The following PLA2R1 variants were observed in gnomAD, a reference collection of about 807,000 sequenced individuals.
PLA2R1 encodes the protein phospholipase A2 receptor 1.
Under a neutral mutation model 195.9 loss-of-function variants are expected in PLA2R1, and 158 were observed. The observed-to-expected ratio is 0.81, with a 90% CI of 0.71 to 0.92. PLA2R1 has a LOEUF of 0.92. Among genes scored for constraint, PLA2R1 ranks in the 40% least tolerant of loss-of-function variants. The probability of loss-of-function intolerance (pLI) is 0.00; values close to 1 mark genes in which losing one functional copy is unlikely to be tolerated. For missense variants in PLA2R1, 1,626 were observed against 1,764.6 expected (o/e 0.92, Z 1.41); for synonymous variants, 586 against 598.2 (o/e 0.98, Z 0.30).
chr2:160,048,447 T>G (rs1695019533), intron 1 of PLA2R1, among the ~76,000 whole-genome samples: 1 of 152,230 alleles, frequency 6.6e-6, no homozygotes, highest in South Asian at 2.1e-4. Flanking sequence ...TCCATTAAGT[T>G]ATAATAGAAT....
chr2:159,995,728 C>T (rs1348620231), intron 11 of PLA2R1, among the ~76,000 whole-genome samples: 4 of 152,000 alleles, frequency 2.6e-5, no homozygotes, highest in Admixed American at 6.6e-5. Flanking sequence ...TTTCACTTTG[C>T]ATGCATCTTT....
chr2:159,970,401 C>G (rs182648784), intron 17 of PLA2R1, among the ~76,000 whole-genome samples, 189 bp from the exon 18 acceptor site: 5 of 151,998 alleles, frequency 3.3e-5, no homozygotes, highest in Admixed American at 1.3e-4. Flanking sequence ...CCCCCCATTA[C>G]GAAGAAAAAC....
intron 17 of PLA2R1, among the ~76,000 whole-genome samples, chr2:159,972,984 A>G (rs1041758553): frequency 1.3e-5 from 2 of 152,196 alleles, no homozygotes; most frequent in Non-Finnish European, 2.9e-5. Flanking sequence ...TGACACTGCA[A>G]CTAACTGTTA....
At position 160,013,433 on chromosome 2, in the gene PLA2R1, G is replaced by A. The variant is rs1217055129; in HGVS notation, c.1552-58C>T. On this transcript the variant is annotated intron_variant, in intron 9 of 29. Transcript: ENST00000283243. ...AATCTCATTTAGTTAAATACCAAGA[G>A]ATATTTTTGCATACTCTTTTACCAC... The A allele has an allele frequency of 3.0e-6, 3 of 1,005,244 alleles. No individual in the cohort carries two copies. The African/African-American group carries it at 4.8e-5, about 16-fold the overall frequency. The allele number at this position is 1,005,244 out of a possible 1,614,324, so 62.3% of individuals were successfully genotyped here.
intron 20 of PLA2R1, among the ~76,000 whole-genome samples, chr2:159,959,776 C>T (rs1207681274): frequency 6.6e-6 from 1 of 152,106 alleles, no homozygotes; most frequent in Non-Finnish European, 1.5e-5. Context: ...TACCTTCCCA[C>T]TCCATCTCCC....
chr2:159,940,493 A>G lies in PLA2R1; in HGVS notation c.*1285T>C, dbSNP rs548662691. Reference sequence around the variant, plus strand: ...ACTGCAGCCTTCAACTTCTGGGCTCAGTTGATCCTCTTCCCTCAGCCTCCT... The same window carrying G: ...ACTGCAGCCTTCAACTTCTGGGCTCGGTTGATCCTCTTCCCTCAGCCTCCT... On this transcript the variant is annotated 3_prime_UTR_variant, in exon 30 of 30. Transcript: ENST00000283243. The G allele has an allele frequency of 7.9e-5, 12 of 152,262 alleles. 1 individual carries two copies. Among genetic ancestry groups the G allele is most frequent in the Non-Finnish European group, 1.8e-4 (12 of 68,068 alleles). The allele number at this position is 152,262 out of a possible 1,614,324, so 9.4% of individuals were successfully genotyped here.
intron 18 of PLA2R1, 31 bp downstream of exon 18, chr2:159,970,117 A>T: frequency 6.8e-7 from 1 of 1,464,926 alleles, no homozygotes; most frequent in South Asian, 1.2e-5. Flanking sequence ...CTGTCAAACA[A>T]AATTAAATGC....
intron 3 of PLA2R1, among the ~76,000 whole-genome samples, chr2:160,034,201 A>T (rs1694034573): frequency 6.6e-6 from 1 of 152,148 alleles, no homozygotes; most frequent in African/African-American, 2.4e-5. Flanking sequence ...CTCCCTCATA[A>T]CAGTTAGATG....
intron 1 of PLA2R1, among the ~76,000 whole-genome samples, chr2:160,057,459 T>C (rs1027547822): frequency 6.6e-6 from 1 of 152,322 alleles, no homozygotes; most frequent in East Asian, 1.9e-4. Flanking sequence ...TCACTGAACT[T>C]TTACTGTTGC....
At chr2:159,976,013 G>C (rs1689525853) in intron 17 of PLA2R1, 55 bp downstream of exon 17, 9 of 1,124,360 alleles carry the variant, frequency 8.0e-6, no homozygotes, top group South Asian at 1.3e-5. Flanking sequence ...TCCCTCCCAA[G>C]GGCAAAAGAA....
intron 1 of PLA2R1, among the ~76,000 whole-genome samples, chr2:160,059,904 T>A (rs1313517993): frequency 4.6e-5 from 7 of 152,126 alleles, no homozygotes; most frequent in Non-Finnish European, 1.0e-4. Flanking sequence ...ATAATTCAAT[T>A]ACCTCCCCCT....
At chr2:160,027,067 T>C (rs1225321429) in intron 6 of PLA2R1, among the ~76,000 whole-genome samples, 1 of 152,070 alleles carries the variant, frequency 6.6e-6, no homozygotes, top group African/African-American at 2.4e-5. Context: ...GAGGCGGAGG[T>C]TGCAGTGAGC....
intron 3 of PLA2R1, among the ~76,000 whole-genome samples, chr2:160,034,974 T>A (rs1274143635): frequency 6.6e-6 from 1 of 152,212 alleles, no homozygotes; most frequent in African/African-American, 2.4e-5. Context: ...ATACTTTGTT[T>A]CATGCACAAA....
At chr2:160,013,683 CTCTCTCTCTCTCTCTCTCTG>C (rs1195577044) in intron 9 of PLA2R1, among the ~76,000 whole-genome samples, 4 of 127,914 alleles carry the variant, frequency 3.1e-5, no homozygotes, top group Non-Finnish European at 6.4e-5. Flanking sequence ...CTTTCTCTCT[CTCTCTCTCTCTCTCTCTCTG>C]TCTCTCTCTC....
At chr2:160,052,072 C>G (rs956846981) in intron 1 of PLA2R1, among the ~76,000 whole-genome samples, 2 of 152,190 alleles carry the variant, frequency 1.3e-5, no homozygotes, top group Admixed American at 6.5e-5. Flanking sequence ...GCTTCTGAAC[C>G]TAGATAATCA....
downstream of PLA2R1, among the ~76,000 whole-genome samples, chr2:159,930,191 G>A (rs1444112988): frequency 2.6e-5 from 4 of 152,112 alleles, no homozygotes; most frequent in African/African-American, 9.7e-5. Context: ...GGTGGATCAC[G>A]AGGTCAGGAG....
At chr2:159,955,923 C>T in intron 21 of PLA2R1, 95 bp from the exon 22 acceptor site, 1 of 681,944 alleles carries the variant, frequency 1.5e-6, no homozygotes, top group Non-Finnish European at 2.4e-6. Flanking sequence ...ATTTAAATGC[C>T]AGCAAAACAT....
At chr2:160,013,719 C>CTGTGTG (rs1375348885) in intron 9 of PLA2R1, among the ~76,000 whole-genome samples, 42 of 112,014 alleles carry the variant, frequency 3.7e-4, no homozygotes, top group African/African-American at 1.1e-3. Context: ...CTCTCTCTCT[C>CTGTGTG]TCTGTGTGTG....
intron 11 of PLA2R1, among the ~76,000 whole-genome samples, chr2:159,988,247 G>C (rs560280781): frequency 6.6e-6 from 1 of 150,452 alleles, no homozygotes; most frequent in East Asian, 2.0e-4. Context: ...GTAAGAATGA[G>C]CTTGTTTTTT....
Sources: gnomAD v4.1 joint callset for allele counts (sites outside exome capture counted in the v4.1 genomes callset) on GRCh38, gnomAD v4.1.1 for gene constraint, MANE v1.5 for transcripts, NCBI Gene and HGNC (gene_info 2026-07-23, HGNC 2026-07-21) for gene names.